Variants in ZNF737 observed in about 807,000 individuals in gnomAD.
ZNF737 encodes zinc finger protein 737.
A neutral mutation model predicts 11.7 loss-of-function variants in ZNF737; 13 were observed. That is an observed-to-expected ratio of 1.11 (90% CI 0.73 to 1.77). The LOEUF is 1.77. ZNF737 is among the 40% of genes most tolerant of loss of function. The probability of loss-of-function intolerance (pLI) is 0.00; values close to 1 mark genes in which losing one functional copy is unlikely to be tolerated. For synonymous variants in ZNF737, 217 were observed against 216.2 expected (o/e 1.00, Z -0.03); for missense variants, 636 against 638.0 (o/e 1.00, Z 0.03).
rs547801498 is a variant in ZNF737, at chr19:20,556,848, T to C, written c.4-3013A>G. Among the ~76,000 whole-genome samples the C allele has an allele frequency of 5.7e-4, 87 of 152,348 alleles. 2 individuals carry two copies. The highest frequency in any genetic ancestry group is 5.7e-3 in the Admixed American group (87 of 15,306). On this transcript the variant is annotated intron_variant, in intron 1 of 3. Transcript: ENST00000427401. ...AACAGGTACTATGTGCACAATAGTA[T>C]GATACAGAGCACTGTGCTGGGTATA...
At chr19:20,552,332 G>GAA (rs58829785) in intron 3 of ZNF737, 143 bp downstream of exon 3, 1,230 of 336,142 alleles carry the variant, frequency 3.7e-3, no homozygotes, top group South Asian at 4.5e-3. Flanking sequence ...ATTTAAAAAA[G>GAA]AAAAAAAAAA....
rs1968254533 is a variant in ZNF737, at chr19:20,542,532, C to G, written c.*2060G>C. 1 of 981,532 alleles carries G rather than the reference C, an allele frequency of 1.0e-6. No individual in the cohort carries two copies. The highest frequency in any genetic ancestry group is 1.2e-6 in the Non-Finnish European group (1 of 826,896). 60.8% of individuals were successfully genotyped at this position (981,532 alleles called of 1,614,324 possible). A position where few individuals can be genotyped will look rare whatever the true frequency, so the allele number is the denominator to read the frequency against. On this transcript the variant is annotated 3_prime_UTR_variant, in exon 4 of 4. Coordinates refer to ENST00000427401, the MANE Select transcript of ZNF737 (RefSeq NM_001159293.2). Reference sequence around the variant, plus strand: ...CAGGCATGAGCCATCAAGCCCGGCCCTAACAGTTTTAAAATGCACTGCATT... The same window carrying G: ...CAGGCATGAGCCATCAAGCCCGGCCGTAACAGTTTTAAAATGCACTGCATT...
intron 1 of ZNF737, among the ~76,000 whole-genome samples, chr19:20,562,496 C>T (rs1223351203): frequency 6.6e-6 from 1 of 151,918 alleles, no homozygotes; most frequent in Non-Finnish European, 1.5e-5. Context: ...TACAGGCATG[C>T]ACCACAATAC....
At chr19:20,535,237 C>T (rs184224356), downstream of ZNF737, among the ~76,000 whole-genome samples, 100 of 152,168 alleles carry the variant, frequency 6.6e-4, no homozygotes, top group African/African-American at 2.4e-3. Flanking sequence ...GAGATTGTAC[C>T]ACTGCACTCC....
chr19:20,548,049 G>C (rs1001335205), intron 3 of ZNF737, among the ~76,000 whole-genome samples: 1 of 152,070 alleles, frequency 6.6e-6, no homozygotes, highest in Admixed American at 6.6e-5. Flanking sequence ...GGCTGAGACA[G>C]GAGAATTGCT....
chr19:20,559,445 G>A (rs1377803784), intron 1 of ZNF737, among the ~76,000 whole-genome samples: 11 of 151,128 alleles, frequency 7.3e-5, no homozygotes, highest in Non-Finnish European at 1.3e-4. Context: ...CGCTAATCAC[G>A]GGAGAAATTA....
At chr19:20,563,454 AAC>A (rs1460354815) in intron 1 of ZNF737, among the ~76,000 whole-genome samples, 1 of 150,878 alleles carries the variant, frequency 6.6e-6, no homozygotes, top group Non-Finnish European at 1.5e-5. Flanking sequence ...AAATTACTCA[AAC>A]ACAGTGTTTA....
At position 20,542,862 on chromosome 19, in the gene ZNF737, A is replaced by G. The variant is rs1968273401; in HGVS notation, c.*1730T>C. 8 of 984,914 alleles carry G rather than the reference A, an allele frequency of 8.1e-6. No homozygotes were observed. The highest frequency in any genetic ancestry group is 1.7e-5 in the African/African-American group (1 of 57,246). 61.0% of individuals were successfully genotyped at this position (984,914 alleles called of 1,614,324 possible). ...ATGTGAATAGAAATAAAATAACAGC[A>G]TAATTTGAAAGCTGTATTACATCAT... On this transcript the variant is annotated 3_prime_UTR_variant, in exon 4 of 4. Coordinates refer to ENST00000427401, the MANE Select transcript of ZNF737 (RefSeq NM_001159293.2).
In ZNF737 at chr19:20,538,534, A is replaced by C. The variant is rs1468796964; in HGVS notation, c.*6058T>G. The C allele has an allele frequency of 2.1e-5, 9 of 432,804 alleles. No homozygotes were observed. In the Admixed American group the frequency reaches 5.1e-4, roughly 25 times the overall value. The allele number at this position is 432,804 out of a possible 1,614,324, so 26.8% of individuals were successfully genotyped here. A position where few individuals can be genotyped will look rare whatever the true frequency, so the allele number is the denominator to read the frequency against. On this transcript the variant is annotated 3_prime_UTR_variant, in exon 4 of 4. Transcript: ENST00000427401. ...TGACTCTGTCTCCTCTGTTCAGTGT[A>C]CTCGTGGCAAAACTGCTTTCTGCAA... is the stretch of plus-strand genomic sequence containing the variant.
In ZNF737 at chr19:20,544,583, T is replaced by C. The variant is rs782664555; in HGVS notation, c.*9A>G. 4.6e-5 allele frequency: 73 copies of C among 1,588,024 alleles called. No individual in the cohort carries two copies. The African/African-American group carries it at 7.8e-4, about 17-fold the overall frequency. On this transcript the variant is annotated 3_prime_UTR_variant, in exon 4 of 4. Coordinates refer to ENST00000427401, the MANE Select transcript of ZNF737 (RefSeq NM_001159293.2). ...GGGATAGCTTAAAGCTTTGCCACAT[T>C]CCTCACATTTATAGTTTCTCTCCAG...
At chr19:20,560,400 C>T (rs1185703221) in intron 1 of ZNF737, among the ~76,000 whole-genome samples, 2 of 146,288 alleles carry the variant, frequency 1.4e-5, no homozygotes, top group Non-Finnish European at 3.0e-5. Flanking sequence ...GGTATATAAA[C>T]CTCATGGAAT....
At chr19:20,536,668 G>A (rs1194720559), downstream of ZNF737, among the ~76,000 whole-genome samples, 1 of 152,092 alleles carries the variant, frequency 6.6e-6, no homozygotes, top group Non-Finnish European at 1.5e-5. Context: ...ATTCCCAGGT[G>A]TGGTGGCTCA....
rs536178485 is a variant in ZNF737, at chr19:20,544,671, C to A, written c.1532G>T (p.Cys511Phe). ...CTTAAAGCCTTTGCCACATTCTTCA[C>A]ATTTGTAGGGTTTCTCTCCAGTATG... The part of the protein sequence containing the change: ...RIHTGEKPYK[C>F]EECGKGFKCP... Residue 511 changes from cysteine (C) to phenylalanine (F), a missense_variant, in exon 4 of 4, where the codon TGT (cysteine) becomes TTT (phenylalanine). By Grantham distance (205) the Cys-to-Phe change is radical. Transcript: ENST00000427401. The A allele has an allele frequency of 1.2e-6, 2 of 1,605,578 alleles. No individual in the cohort carries two copies. The highest frequency in any genetic ancestry group is 1.7e-6 in the Non-Finnish European group (2 of 1,176,892).
Position 20,538,998 on chromosome 19 carries a change from C to G in ZNF737, c.*5594G>C, listed in dbSNP as rs1968089988. The G allele has an allele frequency of 1.0e-6, 1 of 985,146 alleles. No homozygotes were observed. Among genetic ancestry groups the G allele is most frequent in the Admixed American group, 6.2e-5 (1 of 16,228 alleles). 61.0% of individuals were successfully genotyped at this position (985,146 alleles called of 1,614,324 possible). A position where few individuals can be genotyped will look rare whatever the true frequency, so the allele number is the denominator to read the frequency against. The stretch of plus-strand genomic sequence containing the variant: ...GTGTACATAATGTGCATTTTCCTGC[C>G]TACCAAAATTATTCTGGCTGGGAAA... On this transcript the variant is annotated 3_prime_UTR_variant, in exon 4 of 4. Coordinates refer to ENST00000427401, the MANE Select transcript of ZNF737 (RefSeq NM_001159293.2).
downstream of ZNF737, among the ~76,000 whole-genome samples, chr19:20,533,154 G>A (rs1599385550): frequency 6.7e-6 from 1 of 150,146 alleles, no homozygotes; most frequent in African/African-American, 2.5e-5. Flanking sequence ...AAAGGCCTTA[G>A]TAAGTATTCA....
intron 1 of ZNF737, among the ~76,000 whole-genome samples, chr19:20,557,682 TCTCTG>T (rs1433774643): frequency 6.6e-6 from 1 of 151,486 alleles, no homozygotes; most frequent in East Asian, 1.9e-4. Flanking sequence ...AGTGGTGCCA[TCTCTG>T]CTCACTACAG....
chr19:20,542,016 GAAC>G lies in ZNF737; in HGVS notation c.*2573_*2575del. ...TAAAGAGTCAAAATTTAATCTATGGGAACAATATTTAACTCATTTGCAGTTTAA... is the reference window on the plus strand; with the variant it reads ...TAAAGAGTCAAAATTTAATCTATGGGAATATTTAACTCATTTGCAGTTTAA... On this transcript the variant is annotated 3_prime_UTR_variant, in exon 4 of 4. Coordinates refer to ENST00000427401, the MANE Select transcript of ZNF737 (RefSeq NM_001159293.2). 1 of 983,866 alleles carries G rather than the reference GAAC, an allele frequency of 1.0e-6. No homozygotes were observed. The highest frequency in any genetic ancestry group is 1.2e-6 in the Non-Finnish European group (1 of 828,730). 60.9% of individuals were successfully genotyped at this position (983,866 alleles called of 1,614,324 possible). A position where few individuals can be genotyped will look rare whatever the true frequency, so the allele number is the denominator to read the frequency against.
intron 3 of ZNF737, among the ~76,000 whole-genome samples, chr19:20,546,500 A>G (rs1968461065): frequency 6.6e-6 from 1 of 152,200 alleles, no homozygotes. Context: ...ACCACCTAGG[A>G]TTCACAGCCA....
intron 3 of ZNF737, among the ~76,000 whole-genome samples, chr19:20,551,444 A>AG (rs1568431327): frequency 1.5e-4 from 22 of 150,716 alleles, no homozygotes; most frequent in African/African-American, 4.9e-4. Context: ...AAAAAAAAAA[A>AG]AAAAAAGAAA....
Sources: gnomAD v4.1 joint callset for allele counts (sites outside exome capture counted in the v4.1 genomes callset) on GRCh38, gnomAD v4.1.1 for gene constraint, MANE v1.5 for transcripts, NCBI Gene and HGNC (gene_info 2026-07-23, HGNC 2026-07-21) for gene names.